The following ADAMTS6 variants were observed in gnomAD, a reference collection of about 807,000 sequenced individuals.
ADAMTS6 encodes ADAM metallopeptidase with thrombospondin type 1 motif 6.
Under a neutral mutation model 144.3 loss-of-function variants are expected in ADAMTS6, and 23 were observed. That is an observed-to-expected ratio of 0.16 (90% CI 0.11 to 0.23). The LOEUF (loss-of-function observed/expected upper bound fraction) is 0.23. ADAMTS6 is among the 10% of genes least tolerant of loss of function. The pLI is 1.00. For synonymous variants in ADAMTS6, 444 were observed against 457.5 expected (o/e 0.97, Z 0.38); for missense variants, 999 against 1,379.6 (o/e 0.72, Z 4.37).
chr5:65,409,373 T>C (rs1754857806), intron 7 of ADAMTS6, among the ~76,000 whole-genome samples: 1 of 152,134 alleles, frequency 6.6e-6, no homozygotes, highest in Admixed American at 6.5e-5. Flanking sequence ...TAAACACCTC[T>C]ATGCAAATAA....
At chr5:65,292,120 C>T (rs1225456817) in intron 10 of ADAMTS6, among the ~76,000 whole-genome samples, 1 of 152,126 alleles carries the variant, frequency 6.6e-6, no homozygotes, top group South Asian at 2.1e-4. Context: ...GCGTTTCAAG[C>T]TATGCCTGCA....
At chr5:65,311,663 T>C (rs912151497) in intron 9 of ADAMTS6, among the ~76,000 whole-genome samples, 5 of 152,034 alleles carry the variant, frequency 3.3e-5, no homozygotes, top group African/African-American at 9.7e-5. Flanking sequence ...CCCCTAACAC[T>C]GTGAAAATAA....
At chr5:65,464,744 CTT>C (rs1276449397) in intron 3 of ADAMTS6, among the ~76,000 whole-genome samples, 1 of 152,186 alleles carries the variant, frequency 6.6e-6, no homozygotes, top group Non-Finnish European at 1.5e-5. Flanking sequence ...AATCCCTAGA[CTT>C]TGAGCATTAT....
At chr5:65,380,482 A>G (rs1011704623) in intron 7 of ADAMTS6, among the ~76,000 whole-genome samples, 4 of 152,148 alleles carry the variant, frequency 2.6e-5, no homozygotes, top group Non-Finnish European at 5.9e-5. Flanking sequence ...AGGCTGAGGC[A>G]GGAGAATCAC....
chr5:65,337,667 A>G (rs1365101571), intron 7 of ADAMTS6, among the ~76,000 whole-genome samples: 1 of 152,078 alleles, frequency 6.6e-6, no homozygotes, highest in Non-Finnish European at 1.5e-5. Flanking sequence ...TTTAAATTTT[A>G]TGCTATAATA....
chr5:65,161,152 C>T (rs1752748196), intron 24 of ADAMTS6, among the ~76,000 whole-genome samples: 1 of 152,242 alleles, frequency 6.6e-6, no homozygotes, highest in South Asian at 2.1e-4. Flanking sequence ...GATCCTCCTA[C>T]CTAAGCCTCC....
intron 7 of ADAMTS6, among the ~76,000 whole-genome samples, chr5:65,438,484 G>A (rs147420619): frequency 0.039 from 5,903 of 152,160 alleles, 408 homozygotes; most frequent in African/African-American, 0.13. Context: ...CCAAGATCAC[G>A]CCACTGCACT....
chr5:65,448,947 A>T (rs1758511006), intron 7 of ADAMTS6, among the ~76,000 whole-genome samples: 1 of 152,218 alleles, frequency 6.6e-6, no homozygotes, highest in South Asian at 2.1e-4. Flanking sequence ...AAAAATTAGC[A>T]GTATGATTTA....
At chr5:65,267,196 G>A (rs1421601033) in intron 12 of ADAMTS6, among the ~76,000 whole-genome samples, 1 of 151,080 alleles carries the variant, frequency 6.6e-6, no homozygotes, top group African/African-American at 2.4e-5. Context: ...TTTACTTTAC[G>A]TTTTAAACTA....
At chr5:65,405,561 G>A (rs1461917195) in intron 7 of ADAMTS6, among the ~76,000 whole-genome samples, 4 of 152,196 alleles carry the variant, frequency 2.6e-5, no homozygotes, top group Admixed American at 6.5e-5. Flanking sequence ...TTGTAGTATA[G>A]TTTGAAGTCA....
intron 11 of ADAMTS6, among the ~76,000 whole-genome samples, chr5:65,281,224 C>T (rs1408858768): frequency 2.6e-5 from 4 of 152,068 alleles, no homozygotes; most frequent in African/African-American, 7.2e-5. Flanking sequence ...ATCAATGTCC[C>T]AGATAATCAC....
At chr5:65,195,490 G>C (rs1337170543) in intron 21 of ADAMTS6, among the ~76,000 whole-genome samples, 2 of 152,300 alleles carry the variant, frequency 1.3e-5, no homozygotes, top group East Asian at 1.9e-4. Flanking sequence ...CTCTTCAAGG[G>C]ACTAGTAGTG....
chr5:65,195,224 T>C (rs1231276760), intron 21 of ADAMTS6, among the ~76,000 whole-genome samples: 3 of 152,238 alleles, frequency 2.0e-5, no homozygotes, highest in Non-Finnish European at 2.9e-5. Flanking sequence ...TGCTCTACAG[T>C]TTCTCAGTTT....
chr5:65,360,502 T>C (rs1425477452), intron 7 of ADAMTS6, among the ~76,000 whole-genome samples: 1 of 152,174 alleles, frequency 6.6e-6, no homozygotes, highest in African/African-American at 2.4e-5. Flanking sequence ...CATTGCATTC[T>C]ACACAGTACA....
rs566949105 is a variant in ADAMTS6, at chr5:65,385,368, AACAATGACTGC to A, written c.1074-51294_1074-51284del. Among the ~76,000 whole-genome samples the A allele has an allele frequency of 1.6e-4, 25 of 152,340 alleles. No individual in the cohort carries two copies. The South Asian group carries it at 5.0e-3, about 30-fold the overall frequency. On this transcript the variant is annotated intron_variant, in intron 7 of 24. Coordinates refer to ENST00000381055, the MANE Select transcript of ADAMTS6 (RefSeq NM_197941.4). The stretch of plus-strand genomic sequence containing the variant: ...AATAAACACTAACAAATATTCAGAC[AACAATGACTGC>A]AAACTAAACTCAGAGAGACCCAAGT...
intron 4 of ADAMTS6, among the ~76,000 whole-genome samples, chr5:65,454,506 G>A (rs954602634): frequency 1.3e-5 from 2 of 152,130 alleles, no homozygotes; most frequent in African/African-American, 4.8e-5. Flanking sequence ...TCTCCAGATG[G>A]CCTCCATGAC....
intron 7 of ADAMTS6, 129 bp from the exon 8 acceptor site, chr5:65,334,214 G>T: frequency 9.4e-7 from 1 of 1,064,854 alleles, no homozygotes; most frequent in Non-Finnish European, 1.3e-6. Context: ...CAACTGGAGT[G>T]TCGGCATTTT....
At chr5:65,447,323 C>T in intron 7 of ADAMTS6, among the ~76,000 whole-genome samples, 1 of 151,984 alleles carries the variant, frequency 6.6e-6, no homozygotes, top group African/African-American at 2.4e-5. Flanking sequence ...GTTTTTATTC[C>T]TAAGTAGCTA....
At chr5:65,309,125 G>C (rs569306999) in intron 9 of ADAMTS6, among the ~76,000 whole-genome samples, 107 of 152,090 alleles carry the variant, frequency 7.0e-4, no homozygotes, top group Non-Finnish European at 1.3e-3. Context: ...TTGGTGGCGG[G>C]GGGGTGGTGG....
Sources: allele counts gnomAD v4.1 joint callset (sites outside exome capture counted in the v4.1 genomes callset), GRCh38; gene constraint gnomAD v4.1.1; transcripts MANE v1.5; gene names NCBI Gene and HGNC (gene_info 2026-07-23, HGNC 2026-07-21).